The following KCNMA1 variants were observed in gnomAD, a reference collection of about 807,000 sequenced individuals.
KCNMA1 encodes the protein potassium calcium-activated channel subfamily M alpha 1, also known as Calcium-activated potassium channel subunit alpha-1.
In KCNMA1, 29 loss-of-function variants were observed where a neutral mutation model predicts 140.0. The ratio of observed to expected loss-of-function variants is 0.21; its 90% CI spans 0.15 to 0.28. KCNMA1 has a LOEUF of 0.28. KCNMA1 is among the 10% of genes least tolerant of loss of function. The pLI, the probability that KCNMA1 is intolerant of heterozygous loss-of-function variation, is 1.00. For missense variants in KCNMA1, 880 were observed against 1,602.2 expected (o/e 0.55, Z 7.70); for synonymous variants, 612 against 611.9 (o/e 1.00, Z 0.00).
intron 2 of KCNMA1, among the ~76,000 whole-genome samples, chr10:77,367,973 G>C (rs2094466155): frequency 6.6e-6 from 1 of 151,958 alleles, no homozygotes; most frequent in African/African-American, 2.4e-5. Flanking sequence ...CCTAGTTTTG[G>C]GTAATTATGA....
At chr10:77,012,158 T>A in intron 17 of KCNMA1, 115 bp from the exon 18 acceptor site, 1 of 1,574,756 alleles carries the variant, frequency 6.4e-7, no homozygotes, top group South Asian at 1.2e-5. Context: ...ATTAATTTCC[T>A]TTAATCTTTT....
intron 1 of KCNMA1, among the ~76,000 whole-genome samples, chr10:77,627,652 C>T (rs1036161995): frequency 6.6e-6 from 1 of 152,212 alleles, no homozygotes; most frequent in African/African-American, 2.4e-5. Flanking sequence ...CCAGCTCTGT[C>T]CCTTCCTGAA....
At chr10:77,636,435 G>A (rs113193958) in intron 1 of KCNMA1, 152 of 1,536,074 alleles carry the variant, frequency 9.9e-5, no homozygotes, top group Non-Finnish European at 1.3e-4. Flanking sequence ...AAGACGCTCC[G>A]CGTAAAACCG....
At chr10:77,465,386 G>T (rs1482678906) in intron 1 of KCNMA1, among the ~76,000 whole-genome samples, 2 of 152,160 alleles carry the variant, frequency 1.3e-5, no homozygotes, top group Non-Finnish European at 2.9e-5. Context: ...GCTCCAGGAT[G>T]GCACCTCCTG....
At chr10:77,602,275 T>C (rs559330203) in intron 1 of KCNMA1, among the ~76,000 whole-genome samples, 24 of 152,064 alleles carry the variant, frequency 1.6e-4, no homozygotes, top group African/African-American at 5.8e-4. Context: ...AGGATAGGGG[T>C]TCACTATTGT....
At chr10:77,295,139 G>A (rs541057797) in intron 2 of KCNMA1, among the ~76,000 whole-genome samples, 186 of 151,694 alleles carry the variant, frequency 1.2e-3, no homozygotes, top group African/African-American at 4.4e-3. Flanking sequence ...CCTGAGGACA[G>A]GAGTTCAAGA....
intron 1 of KCNMA1, among the ~76,000 whole-genome samples, chr10:77,556,502 CAAAAAAAAAA>C (rs11446237): frequency 7.3e-5 from 5 of 68,902 alleles, no homozygotes; most frequent in Non-Finnish European, 9.7e-5. Context: ...GGGACTATCT[CAAAAAAAAAA>C]AAAAAAAAAA....
At chr10:77,436,570 C>T (rs1566840453) in intron 1 of KCNMA1, among the ~76,000 whole-genome samples, 2 of 152,194 alleles carry the variant, frequency 1.3e-5, no homozygotes, top group Non-Finnish European at 2.9e-5. Context: ...AACTAATCCT[C>T]CCAGCAGGGT....
In KCNMA1 at chr10:77,442,852, G is replaced by A. The variant is rs532867065; in HGVS notation, c.379-38829C>T. Among the ~76,000 whole-genome samples, 366 of 152,246 alleles carry A rather than the reference G, an allele frequency of 2.4e-3. 2 individuals are homozygous for A. The highest frequency in any genetic ancestry group is 8.4e-3 in the African/African-American group (347 of 41,524). ...CAGCATGTTTGACTTTGGTACCTGG[G>A]GCTCCTGACCATCCAGTGTGAATCC... On this transcript the variant is annotated intron_variant, in intron 1 of 27. Transcript: ENST00000286628.
intron 15 of KCNMA1, among the ~76,000 whole-genome samples, chr10:77,036,445 C>T (rs1365096246): frequency 6.6e-6 from 1 of 152,220 alleles, no homozygotes; most frequent in Non-Finnish European, 1.5e-5. Flanking sequence ...CAATCCCACC[C>T]TGCAAGGGAG....
chr10:77,096,836 C>T (rs2096944069), intron 9 of KCNMA1, among the ~76,000 whole-genome samples: 1 of 152,174 alleles, frequency 6.6e-6, no homozygotes, highest in Admixed American at 6.5e-5. Context: ...GACTCTCTGT[C>T]TTTCTGCTGA....
intron 3 of KCNMA1, among the ~76,000 whole-genome samples, chr10:77,210,763 AC>A (rs1020955860): frequency 6.6e-6 from 1 of 152,208 alleles, no homozygotes; most frequent in African/African-American, 2.4e-5. Flanking sequence ...ATTTCTACAC[AC>A]CAACAACATC....
chr10:77,314,687 G>A (rs2080267219), intron 2 of KCNMA1, among the ~76,000 whole-genome samples: 1 of 152,060 alleles, frequency 6.6e-6, no homozygotes, highest in African/African-American at 2.4e-5. Flanking sequence ...GCTTGTCTGG[G>A]TGATGGCTGA....
chr10:77,420,983 G>A (rs1045971765), intron 1 of KCNMA1, among the ~76,000 whole-genome samples: 11 of 152,214 alleles, frequency 7.2e-5, no homozygotes, highest in African/African-American at 2.7e-4. Context: ...TCATGCCTGT[G>A]CTTAAACTCT....
chr10:77,564,874 G>C (rs1297208403), intron 1 of KCNMA1, among the ~76,000 whole-genome samples: 1 of 152,192 alleles, frequency 6.6e-6, no homozygotes, highest in Non-Finnish European at 1.5e-5. Context: ...TGATCACAAA[G>C]GGAGGTAAAA....
chr10:76,882,392 C>G (rs370521668), downstream of KCNMA1, among the ~76,000 whole-genome samples: 1 of 152,102 alleles, frequency 6.6e-6, no homozygotes, highest in African/African-American at 2.4e-5. Flanking sequence ...CAAGGAGCTT[C>G]GACCTTCAAG....
At chr10:77,490,629 G>T (rs1001975604) in intron 1 of KCNMA1, among the ~76,000 whole-genome samples, 3 of 152,182 alleles carry the variant, frequency 2.0e-5, no homozygotes, top group African/African-American at 7.2e-5. Flanking sequence ...CTAGGAGGTT[G>T]GTGCTGTGCT....
At chr10:77,403,261 A>T (rs2096339623) in intron 2 of KCNMA1, among the ~76,000 whole-genome samples, 1 of 152,150 alleles carries the variant, frequency 6.6e-6, no homozygotes, top group Non-Finnish European at 1.5e-5. Flanking sequence ...CTTAGGAGAC[A>T]ATCTCATCAG....
chr10:77,008,704 A>C (rs2089895200), intron 18 of KCNMA1, among the ~76,000 whole-genome samples: 1 of 152,174 alleles, frequency 6.6e-6, no homozygotes, highest in Non-Finnish European at 1.5e-5. Context: ...AGGGCCAGTG[A>C]CTGTCATGAG....
Sources: gnomAD v4.1 joint callset for allele counts (sites outside exome capture counted in the v4.1 genomes callset) on GRCh38, gnomAD v4.1.1 for gene constraint, MANE v1.5 for transcripts, NCBI Gene and HGNC (gene_info 2026-07-23, HGNC 2026-07-21) for gene names.